DUT: variants seen among roughly 807,000 people sequenced by gnomAD.
DUT encodes deoxyuridine 5'-triphosphate nucleotidohydrolase, mitochondrial.
Under a neutral mutation model 28.8 loss-of-function variants are expected in DUT, and 21 were observed. The observed-to-expected ratio is 0.73, with a 90% CI of 0.52 to 1.05. DUT has a LOEUF of 1.05. Ranked by LOEUF, DUT falls within the 50% of genes least tolerant of loss-of-function variation. DUT has a pLI of 0.00. For missense variants in DUT, 344 were observed against 351.8 expected (o/e 0.98, Z 0.18); for synonymous variants, 147 against 143.7 (o/e 1.02, Z -0.17).
Position 48,331,440 on chromosome 15 carries a change from G to C in DUT, c.-76G>C, listed in dbSNP as rs1034707058. 1.1e-5 allele frequency: 17 copies of C among 1,581,654 alleles called. No individual in the cohort carries two copies. Among genetic ancestry groups the C allele is most frequent in the African/African-American group, 4.1e-5 (3 of 73,804 alleles). On this transcript the variant is annotated 5_prime_UTR_variant, in exon 1 of 7. Coordinates refer to ENST00000331200, the MANE Select transcript of DUT (RefSeq NM_001025248.2). ...GCTTCCGAGGTCATGTTCCCAGGAC[G>C]GGCGCGTCTTCAGGGTGGAAGCCTG...
chr15:48,332,252 A>G lies in DUT; in HGVS notation c.281-16A>G, dbSNP rs1434031397. 1 of 1,599,160 alleles carries G rather than the reference A, an allele frequency of 6.3e-7. No individual in the cohort carries two copies. The highest frequency in any genetic ancestry group is 8.5e-7 in the Non-Finnish European group (1 of 1,174,636). On this transcript the variant is annotated splice_polypyrimidine_tract_variant and intron_variant, in intron 1 of 6. Transcript: ENST00000331200. ...TCCTCGCTCGCCTTCTGGCTCTGCC[A>G]TGCCCTGCTCTGAAGAGACACCCGC...
Position 48,343,237 on chromosome 15 carries a change from G to A in DUT, c.*1159G>A, listed in dbSNP as rs1025592476. ...CCATTTAATACCCTGCAATGTAATTGTCCCTCTGTGGCTCACATTTCATTA... is the reference window on the plus strand; with the variant it reads ...CCATTTAATACCCTGCAATGTAATTATCCCTCTGTGGCTCACATTTCATTA... On this transcript the variant is annotated 3_prime_UTR_variant, in exon 7 of 7. Transcript: ENST00000331200. The A allele has an allele frequency of 1.3e-5, 2 of 152,140 alleles. No homozygotes were observed. The highest frequency in any genetic ancestry group is 4.8e-5 in the African/African-American group (2 of 41,418). 9.4% of individuals were successfully genotyped at this position (152,140 alleles called of 1,614,324 possible).
intron 3 of DUT, among the ~76,000 whole-genome samples, chr15:48,335,277 T>G (rs2042462447): frequency 6.9e-6 from 1 of 144,454 alleles, no homozygotes; most frequent in Non-Finnish European, 1.5e-5. Flanking sequence ...TATTCTAAAA[T>G]AAAATGCTGG....
chr15:48,334,737 C>T (rs1246224471), intron 3 of DUT, among the ~76,000 whole-genome samples: 1 of 152,214 alleles, frequency 6.6e-6, no homozygotes, highest in Non-Finnish European at 1.5e-5. Flanking sequence ...TAGGCTCACA[C>T]TGGCCTAGAA....
In DUT at chr15:48,341,328, T is replaced by G. The variant is rs773921903; in HGVS notation, c.596T>G (p.Val199Gly). ...GAAGATTATAGAGGAAATGTTGGTG[T>G]TGTACTGTTTAATTTTGGCAAAGAA... The part of the protein sequence containing the change: ...IDEDYRGNVG[V>G]VLFNFGKEKF... The change falls in exon 5 of 7, where the codon GTT (valine) becomes GGT (glycine). Residue 199 changes from valine (V) to glycine (G), a missense_variant. Physicochemically the swap from Val to Gly is moderately radical, Grantham distance 109 (BLOSUM62 -3). Coordinates refer to ENST00000331200, the MANE Select transcript of DUT (RefSeq NM_001025248.2). 6.2e-7 allele frequency: 1 copy of G among 1,610,932 alleles called. No homozygotes were observed. The highest frequency in any genetic ancestry group is 1.3e-5 in the African/African-American group (1 of 74,830).
intron 1 of DUT, 46 bp downstream of exon 1, chr15:48,331,841 C>T (rs886299717): frequency 8.3e-5 from 87 of 1,045,628 alleles, no homozygotes; most frequent in Admixed American, 2.2e-4. Flanking sequence ...AAGGAATCCA[C>T]GCGGCTTGAG....
intron 4 of DUT, 128 bp downstream of exon 4, chr15:48,336,218 G>C: frequency 1.4e-6 from 1 of 701,192 alleles, no homozygotes; most frequent in Non-Finnish European, 2.2e-6. Flanking sequence ...TGTTATAATA[G>C]GAGGAAAAGC....
At chr15:48,335,988 A>G (rs2042470859) in intron 3 of DUT, 58 bp from the exon 4 acceptor site, 2 of 1,347,920 alleles carry the variant, frequency 1.5e-6, no homozygotes, top group Non-Finnish European at 2.1e-6. Context: ...TGCATCAGTT[A>G]TCTCTGATAT....
chr15:48,341,030 C>G (rs2042528858), intron 4 of DUT: 1 of 314,884 alleles, frequency 3.2e-6, no homozygotes, highest in Admixed American at 4.7e-5. Context: ...TTGCTACTGC[C>G]AGCTTAAAAT....
At chr15:48,341,804 C>T in intron 6 of DUT, 1 of 566,636 alleles carries the variant, frequency 1.8e-6, no homozygotes, top group East Asian at 3.1e-5. Context: ...TTTAAACATA[C>T]TGTGAACTTC....
chr15:48,339,455 C>T (rs1359305290), intron 4 of DUT, among the ~76,000 whole-genome samples: 1 of 152,052 alleles, frequency 6.6e-6, no homozygotes, highest in Non-Finnish European at 1.5e-5. Flanking sequence ...CTCTAGCCTA[C>T]TGTGGCCATT....
At chr15:48,341,920 C>A in intron 6 of DUT, 102 bp from the exon 7 acceptor site, 2 of 853,760 alleles carry the variant, frequency 2.3e-6, no homozygotes, top group Non-Finnish European at 3.7e-6. Context: ...GATGATATAG[C>A]AAGAGTAGAA....
chr15:48,341,386 C>A, intron 5 of DUT, 23 bp downstream of exon 5: 1 of 1,582,056 alleles, frequency 6.3e-7, no homozygotes, highest in Non-Finnish European at 8.7e-7. Flanking sequence ...TATACATTCA[C>A]ATAATTTTAG....
chr15:48,331,774 G>A lies in DUT; in HGVS notation c.259G>A (p.Gly87Arg), dbSNP rs1463550301. 3 of 1,387,758 alleles carry A rather than the reference G, an allele frequency of 2.2e-6. No homozygotes were observed. The highest frequency in any genetic ancestry group is 1.5e-5 in the African/African-American group (1 of 65,580). 86.0% of individuals were successfully genotyped at this position (1,387,758 alleles called of 1,614,324 possible). The change falls in exon 1 of 7, where the codon GGA becomes AGA. Residue 87 changes from glycine (G) to arginine (R), a missense_variant. Coordinates refer to ENST00000331200, the MANE Select transcript of DUT (RefSeq NM_001025248.2). ...GWKGELPKAG[G>R]SPAPGPETPA... ...GAAGGGCGAGCTTCCTAAGGCGGGG[G>A]GAAGCCCGGCGCCGGGGCCGGGTAG...
intron 4 of DUT, among the ~76,000 whole-genome samples, chr15:48,340,956 C>T (rs11637235): frequency 0.54 from 81,730 of 152,112 alleles, 28,323 homozygotes; most frequent in Non-Finnish European, 0.77. Context: ...AAACCCAAAT[C>T]GTAATTTTCT....
chr15:48,332,164 T>C, intron 1 of DUT, 104 bp from the exon 2 acceptor site: 1 of 1,442,748 alleles, frequency 6.9e-7, no homozygotes, highest in Admixed American at 2.7e-5. Context: ...GGCGGGAAAT[T>C]TCGGTTTTGG....
chr15:48,338,797 A>G (rs1336954640), intron 4 of DUT, among the ~76,000 whole-genome samples: 1 of 152,238 alleles, frequency 6.6e-6, no homozygotes, highest in Non-Finnish European at 1.5e-5. Flanking sequence ...AGCAAAATGT[A>G]AAAGCAGCCT....
chr15:48,331,513 G>C lies in DUT; in HGVS notation c.-3G>C. The stretch of plus-strand genomic sequence containing the variant: ...GACCCAACCAGCCCAAACTCTGGGG[G>C]AAATGACTCCCCTCTGCCCTCGCCC... On this transcript the variant is annotated 5_prime_UTR_variant, in exon 1 of 7. Transcript: ENST00000331200. 1.9e-6 allele frequency: 3 copies of C among 1,611,682 alleles called. No homozygotes were observed. The highest frequency in any genetic ancestry group is 2.5e-6 in the Non-Finnish European group (3 of 1,179,452).
chr15:48,333,668 G>C (rs1009782301), intron 2 of DUT, among the ~76,000 whole-genome samples: 1 of 152,210 alleles, frequency 6.6e-6, no homozygotes, highest in Non-Finnish European at 1.5e-5. Context: ...AATATCAAGA[G>C]TAGCAGCATT....
Sources: allele counts gnomAD v4.1 joint callset (sites outside exome capture counted in the v4.1 genomes callset), GRCh38; gene constraint gnomAD v4.1.1; transcripts MANE v1.5; gene names NCBI Gene and HGNC (gene_info 2026-07-23, HGNC 2026-07-21).